Variants in PLAA observed in about 807,000 individuals in gnomAD.
PLAA encodes the protein phospholipase A2 activating protein, also known as phospholipase A-2-activating protein.
A neutral mutation model predicts 84.1 loss-of-function variants in PLAA; 48 were observed. That is an observed-to-expected ratio of 0.57 (90% confidence interval 0.45 to 0.73). The LOEUF is 0.73. Among genes scored for constraint, PLAA ranks in the 30% least tolerant of loss-of-function variants. The probability of loss-of-function intolerance (pLI) is 0.00; values close to 1 mark genes in which losing one functional copy is unlikely to be tolerated. For missense variants in PLAA, 903 were observed against 954.7 expected (o/e 0.95, Z 0.71); for synonymous variants, 392 against 336.6 (o/e 1.16, Z -1.80).
At chr9:26,942,783 A>G (rs531346315) in intron 1 of PLAA, among the ~76,000 whole-genome samples, 19 of 151,564 alleles carry the variant, frequency 1.3e-4, no homozygotes, top group Admixed American at 2.6e-4. Context: ...TCGGGAGGCT[A>G]AGGCAGAATG....
At chr9:26,909,067 G>C (rs10812492) in intron 12 of PLAA, among the ~76,000 whole-genome samples, 2 of 151,710 alleles carry the variant, frequency 1.3e-5, no homozygotes, top group Non-Finnish European at 2.9e-5. Context: ...CAAATCCTTC[G>C]CATGTATCTT....
At chr9:26,924,646 C>T (rs1824883076) in intron 6 of PLAA, among the ~76,000 whole-genome samples, 1 of 152,172 alleles carries the variant, frequency 6.6e-6, no homozygotes, top group African/African-American at 2.4e-5. Flanking sequence ...ACACTTTTGA[C>T]ACTGATGACA....
intron 11 of PLAA, among the ~76,000 whole-genome samples, chr9:26,912,804 T>C (rs537956561): frequency 1.3e-5 from 2 of 152,288 alleles, no homozygotes; most frequent in East Asian, 3.9e-4. Context: ...AGATAAAAAG[T>C]AGTAGAGCTG....
In PLAA at chr9:26,920,266, A is replaced by T; in HGVS notation, c.1158T>A (p.Ala386=). Residue 386 remains alanine (A), a synonymous_variant, in exon 8 of 14, where the codon GCT becomes GCA. Transcript: ENST00000397292. The part of the protein sequence containing the change: ...KIGDVVGSSG[A]NQQTSGKVLY... ...AAACTTTTCCAGATGTTTGCTGATT[A>T]GCACCAGATGAGCCAACAACATCAC... is the stretch of plus-strand genomic sequence containing the variant. The T allele has an allele frequency of 6.2e-7, 1 of 1,613,952 alleles. No homozygotes were observed. The highest frequency in any genetic ancestry group is 2.2e-5 in the East Asian group (1 of 44,856).
At chr9:26,937,870 GAA>G (rs34475218) in intron 1 of PLAA, among the ~76,000 whole-genome samples, 202 of 143,894 alleles carry the variant, frequency 1.4e-3, no homozygotes, top group African/African-American at 3.9e-3. Context: ...AAAAAAGACT[GAA>G]AAAAAAAAAA....
intron 1 of PLAA, among the ~76,000 whole-genome samples, chr9:26,945,387 A>G (rs1369734058): frequency 6.6e-6 from 1 of 152,216 alleles, no homozygotes; most frequent in African/African-American, 2.4e-5. Flanking sequence ...CAAAAACTTA[A>G]TAACTGTACT....
At chr9:26,939,484 C>CAAAAAAAAAAAAAAAAAAAAACA (rs58833364) in intron 1 of PLAA, among the ~76,000 whole-genome samples, 4 of 76,904 alleles carry the variant, frequency 5.2e-5, no homozygotes, top group Non-Finnish European at 8.5e-5. Context: ...GATGAGAGAC[C>CAAAAAAAAAAAAAAAAAAAAACA]AAAAAAAAAA....
intron 7 of PLAA, among the ~76,000 whole-genome samples, chr9:26,921,008 C>T (rs1019323505): frequency 6.6e-6 from 1 of 151,946 alleles, no homozygotes; most frequent in Non-Finnish European, 1.5e-5. Flanking sequence ...GCTTGAAACC[C>T]ATCAATGCTT....
At chr9:26,907,300 C>T (rs568902248) in intron 13 of PLAA, among the ~76,000 whole-genome samples, 3 of 151,736 alleles carry the variant, frequency 2.0e-5, no homozygotes, top group Admixed American at 6.6e-5. Flanking sequence ...CAGGCTGAGG[C>T]GGGAGGATCA....
chr9:26,919,282 A>AT (rs1426892285), intron 9 of PLAA, 28 bp downstream of exon 9: 1 of 1,426,168 alleles, frequency 7.0e-7, no homozygotes, highest in Admixed American at 1.8e-5. Flanking sequence ...ATGGAACTAC[A>AT]TAAGACTCAA....
chr9:26,928,493 A>G (rs1196466718), intron 2 of PLAA, 85 bp from the exon 3 acceptor site: 1 of 945,706 alleles, frequency 1.1e-6, no homozygotes, highest in Non-Finnish European at 1.7e-6. Context: ...CCAATTTTAA[A>G]AACACTCTTT....
intron 2 of PLAA, among the ~76,000 whole-genome samples, chr9:26,932,139 T>C (rs1825205815): frequency 6.6e-6 from 1 of 152,118 alleles, no homozygotes; most frequent in African/African-American, 2.4e-5. Context: ...TGGACCTTAT[T>C]TGGGTCAGAA....
At chr9:26,915,525 T>C (rs868150455) in intron 10 of PLAA, 1 of 238,234 alleles carries the variant, frequency 4.2e-6, no homozygotes, top group Non-Finnish European at 6.8e-6. Context: ...TGGGAAAACA[T>C]CATCATCAAC....
Position 26,904,088 on chromosome 9 carries a change from CAATTT to C in PLAA, c.*1418_*1422del, listed in dbSNP as rs2131359034. 1 of 153,424 alleles carries C rather than the reference CAATTT, an allele frequency of 6.5e-6. No individual in the cohort carries two copies. The highest frequency in any genetic ancestry group is 2.4e-5 in the African/African-American group (1 of 41,546). 9.5% of individuals were successfully genotyped at this position (153,424 alleles called of 1,614,324 possible). On this transcript the variant is annotated 3_prime_UTR_variant, in exon 14 of 14. Transcript: ENST00000397292. ...AGTCCAGGTACACACCAGGTAGTTC[CAATTT>C]AATACTCAGCAAAGTACATATCCCC... is the stretch of plus-strand genomic sequence containing the variant.
chr9:26,946,798 G>GGA (rs1363167458), intron 1 of PLAA, 99 bp downstream of exon 1: 2 of 1,324,876 alleles, frequency 1.5e-6, no homozygotes, highest in African/African-American at 1.5e-5. Context: ...AAGGCTGGGG[G>GGA]GAGAGAGAGA....
intron 1 of PLAA, among the ~76,000 whole-genome samples, chr9:26,946,512 G>GAAAAA (rs75570453): frequency 2.4e-5 from 3 of 123,120 alleles, no homozygotes; most frequent in South Asian, 5.2e-4. Context: ...CATCTTCTTC[G>GAAAAA]AAAAAAAAAA....
intron 1 of PLAA, among the ~76,000 whole-genome samples, chr9:26,936,747 G>A (rs1223544965): frequency 6.6e-6 from 1 of 152,018 alleles, no homozygotes; most frequent in Non-Finnish European, 1.5e-5. Flanking sequence ...TTTGATCACA[G>A]AGCAACAACA....
chr9:26,935,378 T>C (rs532623864), intron 1 of PLAA, among the ~76,000 whole-genome samples, 172 bp from the exon 2 acceptor site: 1 of 152,292 alleles, frequency 6.6e-6, no homozygotes, highest in African/African-American at 2.4e-5. Context: ...TGAACTACTA[T>C]AGAGAATTAC....
chr9:26,908,152 G>T (rs900078026), intron 12 of PLAA, among the ~76,000 whole-genome samples, 154 bp from the exon 13 acceptor site: 54 of 151,510 alleles, frequency 3.6e-4, no homozygotes, highest in African/African-American at 1.1e-3. Context: ...TAAGGATAAG[G>T]CTTATGAGCT....
Sources: allele counts gnomAD v4.1 joint callset (sites outside exome capture counted in the v4.1 genomes callset), GRCh38; gene constraint gnomAD v4.1.1; transcripts MANE v1.5; gene names NCBI Gene and HGNC (gene_info 2026-07-23, HGNC 2026-07-21).